The following AFF3 variants were observed in gnomAD, a reference collection of about 807,000 sequenced individuals.
AFF3 encodes ALF transcription elongation factor 3, also known as AF4/FMR2 family member 3.
Under a neutral mutation model 129.7 loss-of-function variants are expected in AFF3, and 32 were observed. The observed-to-expected ratio is 0.25, with a 90% CI of 0.19 to 0.33. The LOEUF is 0.33. Ranked by LOEUF, AFF3 falls within the 10% of genes least tolerant of loss-of-function variation. The pLI, the probability that AFF3 is intolerant of heterozygous loss-of-function variation, is 1.00. For missense variants in AFF3, 1,373 were observed against 1,592.0 expected, an observed-to-expected ratio of 0.86 and a Z score of 2.34; for synonymous variants, 644 against 635.4, an observed-to-expected ratio of 1.01 and a Z score of -0.20.
At chr2:99,863,826 T>C (rs62147613) in intron 7 of AFF3, among the ~76,000 whole-genome samples, 58,161 of 152,086 alleles carry the variant, frequency 0.38, 11,588 homozygotes, top group South Asian at 0.45. Context: ...TCAGTTTTCA[T>C]TTGAAATGCA....
At chr2:99,865,662 T>C (rs1282741574) in intron 7 of AFF3, among the ~76,000 whole-genome samples, 2 of 152,152 alleles carry the variant, frequency 1.3e-5, no homozygotes, top group African/African-American at 4.8e-5. Context: ...AAGAAGCAAG[T>C]TGATGAAAAA....
chr2:99,645,165 C>A (rs181569972), intron 13 of AFF3, among the ~76,000 whole-genome samples: 14 of 152,062 alleles, frequency 9.2e-5, no homozygotes, highest in African/African-American at 2.9e-4. Flanking sequence ...TGAAGCCCCC[C>A]CTCTACGAAA....
At chr2:100,063,522 T>A (rs1448797473) in intron 4 of AFF3, among the ~76,000 whole-genome samples, 2 of 152,112 alleles carry the variant, frequency 1.3e-5, no homozygotes, top group African/African-American at 4.8e-5. Context: ...ATACAGCATT[T>A]AGTCAAAGCT....
chr2:99,884,028 G>A (rs1196808401), intron 7 of AFF3, among the ~76,000 whole-genome samples: 1 of 152,108 alleles, frequency 6.6e-6, no homozygotes, highest in Admixed American at 6.5e-5. Context: ...TGCAGTCACG[G>A]CAAATACTGC....
At chr2:99,560,482 C>T in intron 20 of AFF3, 46 bp from the exon 21 acceptor site, 1 of 1,563,472 alleles carries the variant, frequency 6.4e-7, no homozygotes, top group Non-Finnish European at 8.8e-7. Context: ...ACATAAAAAG[C>T]AAAGAAATAG....
intron 7 of AFF3, among the ~76,000 whole-genome samples, chr2:99,949,447 T>C (rs1675935048): frequency 6.6e-6 from 1 of 152,060 alleles, no homozygotes; most frequent in South Asian, 2.1e-4. Flanking sequence ...GTGCATTACA[T>C]TTATTATGTA....
rs1399349069 is a variant in AFF3, at chr2:99,547,100, T to A, written c.*4374A>T. On this transcript the variant is annotated 3_prime_UTR_variant, in exon 25 of 25. Transcript: ENST00000672756. ...TACTGATAATCTGTGGGAGCTACATTTAAGCCATTTATGAAACAAAAAGAT... is the reference window on the plus strand; with the variant it reads ...TACTGATAATCTGTGGGAGCTACATATAAGCCATTTATGAAACAAAAAGAT... 9.1e-6 allele frequency: 2 copies of A among 219,518 alleles called. No individual in the cohort carries two copies. Among genetic ancestry groups the A allele is most frequent in the African/African-American group, 4.5e-5 (2 of 44,602 alleles). The allele number at this position is 219,518 out of a possible 1,614,324, so 13.6% of individuals were successfully genotyped here.
chr2:99,587,125 C>T (rs769621386), intron 16 of AFF3, 29 bp downstream of exon 16: 2 of 1,613,118 alleles, frequency 1.2e-6, no homozygotes, highest in South Asian at 2.2e-5. Context: ...CTCTCCAGCT[C>T]ACTTCCACTT....
At chr2:100,135,228 T>C (rs148590054) in intron 1 of AFF3, among the ~76,000 whole-genome samples, 23 of 152,292 alleles carry the variant, frequency 1.5e-4, no homozygotes, top group Non-Finnish European at 2.5e-4. Flanking sequence ...TTCCCAAAGA[T>C]GGCCACAGCA....
chr2:99,892,234 A>T (rs991624831), intron 7 of AFF3, among the ~76,000 whole-genome samples: 10 of 152,208 alleles, frequency 6.6e-5, no homozygotes, highest in African/African-American at 1.9e-4. Flanking sequence ...AATAATGTTT[A>T]ATTAAACGTC....
At chr2:100,026,460 CT>C (rs1684050272) in intron 4 of AFF3, among the ~76,000 whole-genome samples, 1 of 152,074 alleles carries the variant, frequency 6.6e-6, no homozygotes, top group Non-Finnish European at 1.5e-5. Flanking sequence ...GGAATGTAAA[CT>C]GGTACAGCCA....
chr2:99,932,890 A>G (rs1298736884), intron 7 of AFF3, among the ~76,000 whole-genome samples: 1 of 152,152 alleles, frequency 6.6e-6, no homozygotes, highest in Non-Finnish European at 1.5e-5. Flanking sequence ...TGCTACATAG[A>G]TCTTCTTGTT....
At position 99,586,309 on chromosome 2, in the gene AFF3, C is replaced by T. The variant is rs77013095; in HGVS notation, c.2591+845G>A. On this transcript the variant is annotated intron_variant, in intron 16 of 24. Transcript: ENST00000672756. ...TCCTGCTCAGACCCACAGGAGCCCT[C>T]GCCTTTCAAGGTGATTCCGGCGCTG... Among the ~76,000 whole-genome samples the T allele has an allele frequency of 2.6e-4, 40 of 152,304 alleles. 1 individual carries two copies. The highest frequency in any genetic ancestry group is 2.6e-4 in the African/African-American group (11 of 41,564).
At chr2:99,593,137 G>A in intron 15 of AFF3, 58 bp downstream of exon 15, 1 of 1,514,152 alleles carries the variant, frequency 6.6e-7, no homozygotes, top group Non-Finnish European at 8.8e-7. Flanking sequence ...GTACCCACAA[G>A]TTAAGAGATA....
At chr2:99,750,541 C>G (rs962900322) in intron 9 of AFF3, among the ~76,000 whole-genome samples, 3 of 151,784 alleles carry the variant, frequency 2.0e-5, no homozygotes, top group Non-Finnish European at 2.9e-5. Context: ...CCTCAGCGTC[C>G]CAAGTAGCTG....
intron 8 of AFF3, among the ~76,000 whole-genome samples, chr2:99,791,272 T>C: frequency 6.6e-6 from 1 of 152,212 alleles, no homozygotes; most frequent in Non-Finnish European, 1.5e-5. Flanking sequence ...CTAGGACCCC[T>C]GTGGATACCA....
chr2:99,845,998 A>C (rs1689691064), intron 7 of AFF3, among the ~76,000 whole-genome samples: 1 of 150,992 alleles, frequency 6.6e-6, no homozygotes, highest in Non-Finnish European at 1.5e-5. Flanking sequence ...ACACCCGGCT[A>C]ATTTTTTGTA....
chr2:99,720,284 A>G (rs1464485706), intron 11 of AFF3, among the ~76,000 whole-genome samples: 1 of 152,150 alleles, frequency 6.6e-6, no homozygotes, highest in African/African-American at 2.4e-5. Flanking sequence ...TGGATGCCTC[A>G]TAAACAGATT....
intron 4 of AFF3, among the ~76,000 whole-genome samples, chr2:100,034,310 A>C (rs1377149241): frequency 6.6e-6 from 1 of 152,218 alleles, no homozygotes; most frequent in African/African-American, 2.4e-5. Flanking sequence ...ATAGAAATAA[A>C]ATGCCAAAGT....
Sources: gnomAD v4.1 joint callset for allele counts (sites outside exome capture counted in the v4.1 genomes callset) on GRCh38, gnomAD v4.1.1 for gene constraint, MANE v1.5 for transcripts, NCBI Gene and HGNC (gene_info 2026-07-23, HGNC 2026-07-21) for gene names.